The following KCNC2 variants were observed in gnomAD, a reference collection of about 807,000 sequenced individuals.
KCNC2 encodes the protein potassium voltage-gated channel subfamily C member 2, also known as voltage-gated potassium channel KCNC2.
In KCNC2, 21 loss-of-function variants were observed where a neutral mutation model predicts 44.5. That is an observed-to-expected ratio of 0.47 (90% confidence interval 0.33 to 0.68). The LOEUF (loss-of-function observed/expected upper bound fraction) is 0.68, where lower values mean the gene tolerates loss of function less well. Among genes scored for constraint, KCNC2 ranks in the 30% least tolerant of loss-of-function variants. The probability of loss-of-function intolerance (pLI) is 0.01; values close to 1 mark genes in which losing one functional copy is unlikely to be tolerated. For synonymous variants in KCNC2, 391 were observed against 339.1 expected (o/e 1.15, Z -1.68); for missense variants, 589 against 826.2 (o/e 0.71, Z 3.52).
intron 2 of KCNC2, among the ~76,000 whole-genome samples, chr12:75,126,083 GC>G (rs1268721479): frequency 6.6e-6 from 1 of 152,060 alleles, no homozygotes; most frequent in Non-Finnish European, 1.5e-5. Context: ...GAGCTTATGA[GC>G]AAAACTAAAA....
chr12:75,119,193 C>T (rs1268603822), intron 2 of KCNC2, among the ~76,000 whole-genome samples: 2 of 152,152 alleles, frequency 1.3e-5, no homozygotes, highest in Non-Finnish European at 2.9e-5. Flanking sequence ...ATATTATACA[C>T]AATGGGGTAA....
chr12:75,178,976 T>C (rs1477417339), intron 2 of KCNC2, among the ~76,000 whole-genome samples: 1 of 151,824 alleles, frequency 6.6e-6, no homozygotes, highest in Non-Finnish European at 1.5e-5. Context: ...GAATGTTTTT[T>C]CCCTATAGAA....
intron 2 of KCNC2, among the ~76,000 whole-genome samples, chr12:75,100,670 A>G (rs531271801): frequency 6.6e-6 from 1 of 152,130 alleles, no homozygotes; most frequent in South Asian, 2.1e-4. Context: ...TCTATTCATC[A>G]ATGTAACTTA....
intron 2 of KCNC2, among the ~76,000 whole-genome samples, chr12:75,143,071 G>T (rs1024814637): frequency 1.3e-5 from 2 of 152,056 alleles, no homozygotes; most frequent in Admixed American, 1.3e-4. Flanking sequence ...CCTCAGAATG[G>T]GTCCGTCTCA....
At position 75,128,333 on chromosome 12, in the gene KCNC2, A is replaced by T. The variant is rs185101228; in HGVS notation, c.688-77016T>A. On this transcript the variant is annotated intron_variant, in intron 2 of 4. Coordinates refer to ENST00000549446, the MANE Select transcript of KCNC2 (RefSeq NM_139137.4). ...CATTAGCATATGTGGACCTCCAAAA[A>T]TTACTCATTATTTCGTGATTCCAAC... 9.7e-3 allele frequency among the ~76,000 whole-genome samples: 1,480 copies of T among 152,242 alleles called. 20 individuals carry two copies. Among genetic ancestry groups the T allele is most frequent in the African/African-American group, 0.034 (1,403 of 41,550 alleles).
Position 75,042,240 on chromosome 12 carries a change from C to A in KCNC2, c.*865G>T, listed in dbSNP as rs201813129. On this transcript the variant is annotated 3_prime_UTR_variant, in exon 5 of 5. Transcript: ENST00000549446. ...TTTTAAAGAGTCTAGAACCAAGCAG[C>A]AATTTCTGGCTAAACAATGCAAGCC... 38 of 1,578,848 alleles carry A rather than the reference C, an allele frequency of 2.4e-5. No individual in the cohort carries two copies.
At chr12:75,105,089 T>A (rs1592879254) in intron 2 of KCNC2, among the ~76,000 whole-genome samples, 1 of 152,106 alleles carries the variant, frequency 6.6e-6, no homozygotes. Flanking sequence ...ATATGTGGTA[T>A]GTAAGTCATT....
chr12:75,104,734 A>T (rs1169708984), intron 2 of KCNC2, among the ~76,000 whole-genome samples: 1 of 152,154 alleles, frequency 6.6e-6, no homozygotes, highest in Non-Finnish European at 1.5e-5. Context: ...TATATATAGT[A>T]GATACGCATA....
rs539864107 is a variant in KCNC2, at chr12:75,188,475, A to G, written c.687+18822T>C. ...GCATAAATGTGAACCACAATTTAGTATAGATTCTTAGATTAAAAATATTTA... is the reference window on the plus strand; with the variant it reads ...GCATAAATGTGAACCACAATTTAGTGTAGATTCTTAGATTAAAAATATTTA... On this transcript the variant is annotated intron_variant, in intron 2 of 4. Transcript: ENST00000549446. Among the ~76,000 whole-genome samples the G allele has an allele frequency of 2.6e-5, 4 of 152,340 alleles. No individual in the cohort carries two copies. In the South Asian group the frequency reaches 8.3e-4, roughly 32 times the overall value.
chr12:75,172,164 A>T (rs1040175832), intron 2 of KCNC2, among the ~76,000 whole-genome samples: 13 of 151,840 alleles, frequency 8.6e-5, no homozygotes, highest in Admixed American at 5.3e-4. Flanking sequence ...AATTTGTATT[A>T]TTTGGCATCC....
At chr12:75,201,408 C>T (rs2031267505) in intron 2 of KCNC2, among the ~76,000 whole-genome samples, 1 of 150,182 alleles carries the variant, frequency 6.7e-6, no homozygotes, top group South Asian at 2.1e-4. Context: ...AATAATTATC[C>T]TACAAATCTC....
chr12:75,112,347 A>T (rs1887321719), intron 2 of KCNC2, among the ~76,000 whole-genome samples: 2 of 151,968 alleles, frequency 1.3e-5, no homozygotes, highest in South Asian at 4.1e-4. Context: ...ACCACTGAAG[A>T]TTACATTTAG....
chr12:75,168,379 G>T (rs1891594291), intron 2 of KCNC2, among the ~76,000 whole-genome samples: 2 of 151,222 alleles, frequency 1.3e-5, no homozygotes, highest in African/African-American at 4.8e-5. Context: ...TGAAAACAGG[G>T]AACTGAGTCA....
In KCNC2 at chr12:75,041,639, A is replaced by C; in HGVS notation, c.*1466T>G. 3 of 1,012,358 alleles carry C rather than the reference A, an allele frequency of 3.0e-6. No homozygotes were observed. The highest frequency in any genetic ancestry group is 2.4e-6 in the Non-Finnish European group (2 of 845,210). The allele number at this position is 1,012,358 out of a possible 1,614,324, so 62.7% of individuals were successfully genotyped here. A position where few individuals can be genotyped will look rare whatever the true frequency, so the allele number is the denominator to read the frequency against. On this transcript the variant is annotated 3_prime_UTR_variant, in exon 5 of 5. Coordinates refer to ENST00000549446, the MANE Select transcript of KCNC2 (RefSeq NM_139137.4). ...AATAGACTTTCTTCCACTCAGACTG[A>C]ATATGACTCCCTAAGGATTTTGTTG...
chr12:75,209,053 C>T (rs2031941641), intron 1 of KCNC2, among the ~76,000 whole-genome samples, 154 bp downstream of exon 1: 1 of 152,052 alleles, frequency 6.6e-6, no homozygotes, highest in Admixed American at 6.5e-5. Context: ...CTGACAGTGT[C>T]CCTGTTTCCA....
intron 2 of KCNC2, among the ~76,000 whole-genome samples, chr12:75,060,404 C>T (rs1374605856): frequency 6.6e-6 from 1 of 152,022 alleles, no homozygotes; most frequent in Non-Finnish European, 1.5e-5. Context: ...TTATGGCACT[C>T]ACCTGCTTAA....
chr12:75,201,021 G>A (rs2031199521), intron 2 of KCNC2, among the ~76,000 whole-genome samples: 1 of 151,508 alleles, frequency 6.6e-6, no homozygotes, highest in Non-Finnish European at 1.5e-5. Context: ...TACCCTTGCA[G>A]GTGGTTGGAT....
At chr12:75,204,001 C>T (rs564035439) in intron 2 of KCNC2, among the ~76,000 whole-genome samples, 3 of 152,046 alleles carry the variant, frequency 2.0e-5, no homozygotes, top group South Asian at 2.1e-4. Flanking sequence ...TGAAAATATA[C>T]AGTGCATCAC....
chr12:75,171,073 A>AG (rs1236797150), intron 2 of KCNC2, among the ~76,000 whole-genome samples: 1 of 77,428 alleles, frequency 1.3e-5, no homozygotes, highest in Non-Finnish European at 2.2e-5. Flanking sequence ...CAAAGCCAGC[A>AG]GGGGATCTTA....
Sources: gnomAD v4.1 joint callset for allele counts (sites outside exome capture counted in the v4.1 genomes callset) on GRCh38, gnomAD v4.1.1 for gene constraint, MANE v1.5 for transcripts, NCBI Gene and HGNC (gene_info 2026-07-23, HGNC 2026-07-21) for gene names.